Variants in COBLL1 observed in about 807,000 individuals in gnomAD.
COBLL1 encodes cordon-bleu WH2 repeat protein like 1.
In COBLL1, 50 loss-of-function variants were observed where a neutral mutation model predicts 94.8. That is an observed-to-expected ratio of 0.53 (90% CI 0.42 to 0.67). The LOEUF (loss-of-function observed/expected upper bound fraction) is 0.67. Ranked by LOEUF, COBLL1 falls within the 30% of genes least tolerant of loss-of-function variation. COBLL1 has a pLI of 0.00. For synonymous variants in COBLL1, 448 were observed against 473.8 expected (o/e 0.95, Z 0.71); for missense variants, 1,362 against 1,348.7 (o/e 1.01, Z -0.15).
intron 2 of COBLL1, among the ~76,000 whole-genome samples, chr2:164,760,753 C>A (rs1227217923): frequency 6.6e-6 from 1 of 152,022 alleles, no homozygotes; most frequent in Non-Finnish European, 1.5e-5. Context: ...ATAAAAGTTA[C>A]AATAAAAATA....
intron 2 of COBLL1, among the ~76,000 whole-genome samples, chr2:164,800,279 C>T (rs1453155988): frequency 6.6e-6 from 1 of 152,030 alleles, no homozygotes; most frequent in Admixed American, 6.6e-5. Context: ...AAACAGTTGT[C>T]TCAAAAAAGG....
intron 2 of COBLL1, among the ~76,000 whole-genome samples, chr2:164,819,012 C>T (rs1017845740): frequency 2.6e-5 from 4 of 151,778 alleles, no homozygotes; most frequent in Non-Finnish European, 5.9e-5. Flanking sequence ...CTCAAGGGAT[C>T]CTCCTGCCTC....
chr2:164,695,967 T>A, intron 11 of COBLL1, 131 bp from the exon 12 acceptor site: 2 of 700,298 alleles, frequency 2.9e-6, no homozygotes, highest in East Asian at 2.8e-5. Context: ...ACTGACTATA[T>A]AAAGGTAGGT....
intron 5 of COBLL1, 191 bp from the exon 6 acceptor site, chr2:164,722,713 G>C: frequency 3.0e-6 from 1 of 329,278 alleles, no homozygotes. Flanking sequence ...TTTCACAGCA[G>C]AGGAAACTGA....
intron 13 of COBLL1, chr2:164,687,509 G>T: frequency 1.4e-6 from 2 of 1,432,902 alleles, no homozygotes; most frequent in Non-Finnish European, 1.9e-6. Flanking sequence ...AGCTTGGTGC[G>T]GACGGACATG....
chr2:164,788,240 A>T (rs1192421677), intron 2 of COBLL1, among the ~76,000 whole-genome samples: 1 of 152,210 alleles, frequency 6.6e-6, no homozygotes, highest in Non-Finnish European at 1.5e-5. Context: ...TCTAGTTCAG[A>T]GTGAGGCCAC....
intron 2 of COBLL1, chr2:164,800,386 G>A: frequency 1.9e-6 from 1 of 514,056 alleles, no homozygotes; most frequent in Non-Finnish European, 3.4e-6. Flanking sequence ...CATGACACAT[G>A]TATTAGAATG....
intron 2 of COBLL1, among the ~76,000 whole-genome samples, chr2:164,657,966 A>T (rs1691003856): frequency 6.6e-6 from 1 of 152,072 alleles, no homozygotes; most frequent in Non-Finnish European, 1.5e-5. Context: ...TCCCATACAA[A>T]GGGAGGGGAC....
chr2:164,781,904 G>A (rs1267214967), intron 2 of COBLL1, among the ~76,000 whole-genome samples: 1 of 152,008 alleles, frequency 6.6e-6, no homozygotes, highest in Non-Finnish European at 1.5e-5. Flanking sequence ...TAGAGAAATT[G>A]TAAACATGCT....
chr2:164,761,221 C>A, intron 2 of COBLL1: 1 of 152,404 alleles, frequency 6.6e-6, no homozygotes, highest in Middle Eastern at 3.4e-3. Flanking sequence ...CCAGCCTGAC[C>A]TACATGGAGA....
intron 2 of COBLL1, among the ~76,000 whole-genome samples, chr2:164,754,579 C>T (rs1366513855): frequency 6.6e-6 from 1 of 152,176 alleles, no homozygotes; most frequent in Admixed American, 6.5e-5. Context: ...AGTCTCATCA[C>T]TCAACCAGCA....
chr2:164,694,452 G>A lies in COBLL1; in HGVS notation c.2940C>T (p.Tyr980=), dbSNP rs1294267454. 9 of 1,613,906 alleles carry A rather than the reference G, an allele frequency of 5.6e-6. No individual in the cohort carries two copies. In the Admixed American group the frequency reaches 6.7e-5, roughly 12 times the overall value. ...CAAACGGTGAAGGACCAGAACTTGA[G>A]TATGGTCGTGGGGCACCAAAAGTTT... ...TLKTFGAPRP[Y]SSSGPSPFAL... Residue 980 remains tyrosine, a synonymous_variant, in exon 12 of 14, where the codon TAC becomes TAT. Transcript: ENST00000652658.
intron 3 of COBLL1, among the ~76,000 whole-genome samples, chr2:164,730,334 A>G (rs1187741149): frequency 2.5e-5 from 1 of 40,322 alleles, no homozygotes; most frequent in Non-Finnish European, 5.6e-5. Context: ...TACAAAAAAT[A>G]AAAAAAAAAA....
intron 13 of COBLL1, among the ~76,000 whole-genome samples, chr2:164,691,645 G>C (rs543744050): frequency 3.5e-4 from 53 of 152,258 alleles, no homozygotes; most frequent in African/African-American, 1.2e-3. Context: ...TGTTTTTCCT[G>C]AGAAAAAGCA....
At chr2:164,759,361 G>A (rs1287815543) in intron 2 of COBLL1, among the ~76,000 whole-genome samples, 1 of 151,988 alleles carries the variant, frequency 6.6e-6, no homozygotes, top group Non-Finnish European at 1.5e-5. Flanking sequence ...CTCAAACAGA[G>A]TTTAGAAATA....
chr2:164,704,508 T>C lies in COBLL1; in HGVS notation c.1161A>G (p.Pro387=), dbSNP rs747530537. 13 of 1,612,888 alleles carry C rather than the reference T, an allele frequency of 8.1e-6. 1 individual carries two copies. The highest frequency in any genetic ancestry group is 9.3e-6 in the Non-Finnish European group (11 of 1,178,986). The part of the protein sequence containing the change: ...DENSRVTALQ[P]VDGVPPDSAS... Reference sequence around the variant, plus strand: ...CACTGTCTGGAGGAACTCCATCTACTGGCTGTAAGGCTAAAGGAAAGAAGC... The same window carrying C: ...CACTGTCTGGAGGAACTCCATCTACCGGCTGTAAGGCTAAAGGAAAGAAGC... The change falls in exon 9 of 14, where the codon CCA becomes CCG. Residue 387 remains proline (P), a synonymous_variant. Transcript: ENST00000652658.
At chr2:164,730,983 T>A (rs556593233) in intron 3 of COBLL1, among the ~76,000 whole-genome samples, 1 of 152,218 alleles carries the variant, frequency 6.6e-6, no homozygotes, top group Non-Finnish European at 1.5e-5. Flanking sequence ...TCTGTTCTCA[T>A]AGATCTAACA....
At chr2:164,727,602 C>T (rs1425295651) in intron 5 of COBLL1, among the ~76,000 whole-genome samples, 2 of 150,956 alleles carry the variant, frequency 1.3e-5, no homozygotes, top group African/African-American at 4.9e-5. Context: ...GTAATTCACA[C>T]TTGATTAGAA....
chr2:164,698,533 G>A (rs1023845581), intron 11 of COBLL1, among the ~76,000 whole-genome samples: 1 of 151,670 alleles, frequency 6.6e-6, no homozygotes, highest in African/African-American at 2.4e-5. Context: ...GAATTCATAA[G>A]CCACTTCCTT....
Sources: allele counts gnomAD v4.1 joint callset (sites outside exome capture counted in the v4.1 genomes callset), GRCh38; gene constraint gnomAD v4.1.1; transcripts MANE v1.5; gene names NCBI Gene and HGNC (gene_info 2026-07-23, HGNC 2026-07-21).